MTREX: variants seen among roughly 807,000 people sequenced by gnomAD.
MTREX encodes exosome RNA helicase MTR4.
Under a neutral mutation model 135.4 loss-of-function variants are expected in MTREX, and 76 were observed. The observed-to-expected ratio is 0.56, with a 90% CI of 0.47 to 0.68. The LOEUF is 0.68. Among genes scored for constraint, MTREX ranks in the 30% least tolerant of loss-of-function variants. The pLI, the probability that MTREX is intolerant of heterozygous loss-of-function variation, is 0.00. For synonymous variants in MTREX, 404 were observed against 401.6 expected, an observed-to-expected ratio of 1.01 and a Z score of -0.07; for missense variants, 920 against 1,262.1, an observed-to-expected ratio of 0.73 and a Z score of 4.11.
chr5:55,364,312 A>G (rs1750062009), intron 15 of MTREX, among the ~76,000 whole-genome samples: 1 of 152,092 alleles, frequency 6.6e-6, no homozygotes, highest in Non-Finnish European at 1.5e-5. Flanking sequence ...AGTATTTCCC[A>G]TTTTTACCCT....
intron 19 of MTREX, among the ~76,000 whole-genome samples, chr5:55,396,373 C>A (rs1750645773): frequency 6.6e-6 from 1 of 152,050 alleles, no homozygotes; most frequent in Admixed American, 6.5e-5. Context: ...TTAGATCTTA[C>A]AACATTATAG....
rs980220010 is a variant in MTREX, at chr5:55,424,908, T to C, written c.*136T>C. On this transcript the variant is annotated 3_prime_UTR_variant, in exon 27 of 27. Coordinates refer to ENST00000230640, the MANE Select transcript of MTREX (RefSeq NM_015360.5). ...TTATATTTAAATCAAACATCATTCA[T>C]AGAAAGCATATTACATACATGTTTA... is the stretch of plus-strand genomic sequence containing the variant. The C allele has an allele frequency of 6.1e-5, 41 of 667,326 alleles. No homozygotes were observed. The African/African-American group carries it at 6.9e-4, about 11-fold the overall frequency. The allele number at this position is 667,326 out of a possible 1,614,324, so 41.3% of individuals were successfully genotyped here.
intron 10 of MTREX, 119 bp downstream of exon 10, chr5:55,345,315 A>C: frequency 1.5e-6 from 1 of 662,060 alleles, no homozygotes. Context: ...ACGATATGTG[A>C]TAAAATTGGA....
chr5:55,410,489 T>A (rs762429745), intron 22 of MTREX, 35 bp from the exon 23 acceptor site: 1 of 733,094 alleles, frequency 1.4e-6, no homozygotes, highest in Non-Finnish European at 2.1e-6. Flanking sequence ...TGTCTTTATA[T>A]TCTGACATTT....
At chr5:55,381,997 T>C (rs1750403624) in intron 18 of MTREX, among the ~76,000 whole-genome samples, 1 of 152,222 alleles carries the variant, frequency 6.6e-6, no homozygotes, top group South Asian at 2.1e-4. Flanking sequence ...CTTTGCATAA[T>C]ATTTTTTCCC....
At chr5:55,334,195 T>C (rs1445403798) in intron 5 of MTREX, among the ~76,000 whole-genome samples, 1 of 152,032 alleles carries the variant, frequency 6.6e-6, no homozygotes, top group Admixed American at 6.5e-5. Context: ...AATAACTGCT[T>C]AGTGAGTACA....
intron 19 of MTREX, among the ~76,000 whole-genome samples, chr5:55,392,468 A>G (rs967792636): frequency 2.0e-5 from 3 of 150,288 alleles, no homozygotes; most frequent in Non-Finnish European, 4.4e-5. Context: ...ACTTGAACCC[A>G]GGAGGTAGAG....
chr5:55,366,516 A>G (rs1172595553), intron 15 of MTREX, among the ~76,000 whole-genome samples: 1 of 152,152 alleles, frequency 6.6e-6, no homozygotes, highest in Non-Finnish European at 1.5e-5. Context: ...GGCAAACAGT[A>G]TTTTAAATAC....
intron 18 of MTREX, among the ~76,000 whole-genome samples, chr5:55,383,676 T>C (rs1231594540): frequency 1.3e-5 from 2 of 152,240 alleles, no homozygotes; most frequent in African/African-American, 4.8e-5. Context: ...CTTCTTTGCC[T>C]TTATCCTACT....
chr5:55,422,733 C>G lies in MTREX; in HGVS notation c.2972-145C>G. On this transcript the variant is annotated intron_variant, in intron 25 of 26. Coordinates refer to ENST00000230640, the MANE Select transcript of MTREX (RefSeq NM_015360.5). ...AAGCCTTTCATCTTTGTAGCTTTCT[C>G]CAGTACCTAACCATGATTTACTTCA... 29 of 627,414 alleles carry G rather than the reference C, an allele frequency of 4.6e-5. No individual in the cohort carries two copies. The South Asian group carries it at 5.8e-4, about 12-fold the overall frequency. 38.9% of individuals were successfully genotyped at this position (627,414 alleles called of 1,614,324 possible). A position where few individuals can be genotyped will look rare whatever the true frequency, so the allele number is the denominator to read the frequency against.
At chr5:55,352,013 TG>T (rs1749837261) in intron 13 of MTREX, among the ~76,000 whole-genome samples, 5 of 151,472 alleles carry the variant, frequency 3.3e-5, no homozygotes, top group African/African-American at 1.2e-4. Flanking sequence ...TTTTTGTTTT[TG>T]TTTTTGTTTT....
chr5:55,397,415 G>A lies in MTREX; in HGVS notation c.2182-1G>A. On this transcript the variant is annotated splice_acceptor_variant, in intron 19 of 26. Transcript: ENST00000230640. LOFTEE classifies it high-confidence loss of function. ...AATACTGTATAACTTTTTGGTCATA[G>A]GTTGTCCCAGTTTTGGTGCATCTCC... 1.2e-6 allele frequency: 2 copies of A among 1,603,966 alleles called. No homozygotes were observed. The highest frequency in any genetic ancestry group is 1.7e-6 in the Non-Finnish European group (2 of 1,173,296).
At chr5:55,375,891 TC>T (rs1750292714) in intron 16 of MTREX, among the ~76,000 whole-genome samples, 1 of 152,152 alleles carries the variant, frequency 6.6e-6, no homozygotes, top group Admixed American at 6.5e-5. Context: ...CCGTTTGGGG[TC>T]CCTGTCTTCC....
rs1284986060 is a variant in MTREX, at chr5:55,410,517, A to G, written c.2646-7A>G. ...TGACATTTTATTCTTTTGTTTTGCC[A>G]TTGTAGTGCTGATGAGCTCCTTCTA... On this transcript the variant is annotated splice_region_variant and splice_polypyrimidine_tract_variant and intron_variant, in intron 22 of 26. Coordinates refer to ENST00000230640, the MANE Select transcript of MTREX (RefSeq NM_015360.5). 6.4e-7 allele frequency: 1 copy of G among 1,570,832 alleles called. No individual in the cohort carries two copies. Among genetic ancestry groups the G allele is most frequent in the South Asian group, 1.2e-5 (1 of 86,330 alleles).
Position 55,415,959 on chromosome 5 carries a change from T to A in MTREX, c.2809-11T>A. 6.4e-7 allele frequency: 1 copy of A among 1,568,892 alleles called. No individual in the cohort carries two copies. The highest frequency in any genetic ancestry group is 8.6e-7 in the Non-Finnish European group (1 of 1,162,250). ...CATAAGTAAGGAATTTTAACTCTTT[T>A]ATCTTTAAAGGAATGTGCTAAAAGA... On this transcript the variant is annotated splice_polypyrimidine_tract_variant and intron_variant, in intron 24 of 26. Coordinates refer to ENST00000230640, the MANE Select transcript of MTREX (RefSeq NM_015360.5).
At position 55,342,595 on chromosome 5, in the gene MTREX, G is replaced by A. The variant is rs183595351; in HGVS notation, c.782-736G>A. 1.9e-3 allele frequency among the ~76,000 whole-genome samples: 296 copies of A among 152,294 alleles called. 4 individuals are homozygous for A. Among genetic ancestry groups the A allele is most frequent in the Non-Finnish European group, 3.2e-4 (22 of 68,010 alleles). On this transcript the variant is annotated intron_variant, in intron 7 of 26. Transcript: ENST00000230640. ...TTTGTAGGGTGCTGGCAGGGCTAAC[G>A]TTAACAAACACATTGAAAAGTTAAA... is the stretch of plus-strand genomic sequence containing the variant.
chr5:55,397,675 T>C, intron 20 of MTREX, 149 bp downstream of exon 20: 1 of 489,330 alleles, frequency 2.0e-6, no homozygotes, highest in Non-Finnish European at 3.6e-6. Flanking sequence ...TTCATAAAAA[T>C]AAAGGCAGCA....
intron 14 of MTREX, 54 bp downstream of exon 14, chr5:55,353,323 A>T: frequency 8.6e-7 from 1 of 1,159,212 alleles, no homozygotes; most frequent in Non-Finnish European, 1.3e-6. Flanking sequence ...TATACTATAG[A>T]TAACTGGCTT....
Position 55,424,916 on chromosome 5 carries a change from A to ATG in MTREX, c.*145_*146insGT. ...AAATCAAACATCATTCATAGAAAGCATATTACATACATGTTTATACATAAG... is the reference window on the plus strand; with the variant it reads ...AAATCAAACATCATTCATAGAAAGCATGTATTACATACATGTTTATACATAAG... On this transcript the variant is annotated 3_prime_UTR_variant, in exon 27 of 27. Transcript: ENST00000230640. The ATG allele has an allele frequency of 1.5e-6, 1 of 656,276 alleles. No homozygotes were observed. Among genetic ancestry groups the ATG allele is most frequent in the Non-Finnish European group, 2.6e-6 (1 of 383,220 alleles). The allele number at this position is 656,276 out of a possible 1,614,324, so 40.7% of individuals were successfully genotyped here. A position where few individuals can be genotyped will look rare whatever the true frequency, so the allele number is the denominator to read the frequency against.
Sources: allele counts gnomAD v4.1 joint callset (sites outside exome capture counted in the v4.1 genomes callset), GRCh38; gene constraint gnomAD v4.1.1; transcripts MANE v1.5; gene names NCBI Gene and HGNC (gene_info 2026-07-23, HGNC 2026-07-21).